The following DNAH6 variants were observed in gnomAD, a reference collection of about 807,000 sequenced individuals.
DNAH6 encodes dynein axonemal heavy chain 6.
A neutral mutation model predicts 491.4 loss-of-function variants in DNAH6; 340 were observed. The observed-to-expected ratio is 0.69, with a 90% CI of 0.63 to 0.76. The LOEUF (loss-of-function observed/expected upper bound fraction) is 0.76, where lower values mean the gene tolerates loss of function less well. Ranked by LOEUF, DNAH6 falls within the 30% of genes least tolerant of loss-of-function variation. The pLI is 0.00. For synonymous variants in DNAH6, 1,603 were observed against 1,686.1 expected, an observed-to-expected ratio of 0.95 and a Z score of 1.21; for missense variants, 4,443 against 4,972.2, an observed-to-expected ratio of 0.89 and a Z score of 3.20.
intron 4 of DNAH6, among the ~76,000 whole-genome samples, chr2:84,541,223 A>C (rs1395451666): frequency 6.6e-6 from 1 of 152,158 alleles, no homozygotes; most frequent in Non-Finnish European, 1.5e-5. Flanking sequence ...CATTTAGAGC[A>C]AAACACACCA....
intron 11 of DNAH6, among the ~76,000 whole-genome samples, chr2:84,570,787 C>T (rs577861464): frequency 2.0e-5 from 3 of 152,294 alleles, no homozygotes; most frequent in Non-Finnish European, 4.4e-5. Context: ...GGTCCCCTTC[C>T]ACGCTGTGGA....
At chr2:84,581,954 G>C (rs964472033) in intron 14 of DNAH6, among the ~76,000 whole-genome samples, 1 of 152,174 alleles carries the variant, frequency 6.6e-6, no homozygotes, top group African/African-American at 2.4e-5. Context: ...ACATTTTTCT[G>C]AGAGTGAAAG....
In DNAH6 at chr2:84,667,170, T is replaced by G. The variant is rs6761797; in HGVS notation, c.6085-2119T>G. Among the ~76,000 whole-genome samples, 1,440 of 152,198 alleles carry G rather than the reference T, an allele frequency of 9.5e-3. 20 individuals carry two copies. The highest frequency in any genetic ancestry group is 0.033 in the African/African-American group (1,384 of 41,516). ...CTAGAAGAAAACCTAGGCAATACCA[T>G]TCAGGACATAGGCATGGGCAAGGAC... On this transcript the variant is annotated intron_variant, in intron 37 of 76. Coordinates refer to ENST00000389394, the MANE Select transcript of DNAH6 (RefSeq NM_001370.2).
chr2:84,778,217 T>C, intron 64 of DNAH6: 3 of 653,608 alleles, frequency 4.6e-6, no homozygotes, highest in Non-Finnish European at 8.5e-6. Context: ...TCCTTGAGAG[T>C]TGCCATATTG....
At chr2:84,607,969 C>T (rs1380755404) in intron 21 of DNAH6, among the ~76,000 whole-genome samples, 3 of 152,194 alleles carry the variant, frequency 2.0e-5, no homozygotes, top group African/African-American at 7.2e-5. Flanking sequence ...TTCTCAAGCC[C>T]TACTTCTGCT....
At chr2:84,782,112 A>G (rs1003454085) in intron 65 of DNAH6, among the ~76,000 whole-genome samples, 1 of 152,108 alleles carries the variant, frequency 6.6e-6, no homozygotes, top group Non-Finnish European at 1.5e-5. Flanking sequence ...TCAGAGCCAC[A>G]CCTAACCCAT....
intron 64 of DNAH6, among the ~76,000 whole-genome samples, chr2:84,771,386 A>G (rs1437220095): frequency 6.6e-6 from 1 of 152,132 alleles, no homozygotes; most frequent in East Asian, 1.9e-4. Flanking sequence ...AGAAGAGGAG[A>G]GAGAAGGGGA....
At chr2:84,739,853 A>G (rs1390849238) in intron 62 of DNAH6, among the ~76,000 whole-genome samples, 1 of 151,976 alleles carries the variant, frequency 6.6e-6, no homozygotes, top group African/African-American at 2.4e-5. Context: ...TCTTTGCATC[A>G]TATTCTGAAT....
chr2:84,785,107 C>A (rs1677055788), intron 66 of DNAH6, among the ~76,000 whole-genome samples: 1 of 152,112 alleles, frequency 6.6e-6, no homozygotes. Flanking sequence ...GGGAATGTTT[C>A]AGTATTTGAG....
At chr2:84,572,798 G>A (rs907560649) in intron 11 of DNAH6, among the ~76,000 whole-genome samples, 2 of 152,132 alleles carry the variant, frequency 1.3e-5, no homozygotes, top group Admixed American at 1.3e-4. Flanking sequence ...AAGTAGACAT[G>A]GACCAAGACC....
the DNAH6 span, among the ~76,000 whole-genome samples, chr2:84,490,081 T>A: frequency 1.3e-5 from 2 of 152,186 alleles, no homozygotes; most frequent in Admixed American, 1.3e-4. Context: ...ATTTTTTCAG[T>A]TTTTTACATT....
At position 84,701,330 on chromosome 2, in the gene DNAH6, G is replaced by A; in HGVS notation, c.8052G>A (p.Gln2684=). 6.5e-7 allele frequency: 1 copy of A among 1,548,714 alleles called. No individual in the cohort carries two copies. Among genetic ancestry groups the A allele is most frequent in the South Asian group, 1.2e-5 (1 of 83,500 alleles). The part of the protein sequence containing the change: ...YLSMLSEKRK[Q]IISARDRVKN... ...CTATGCTGTCTGAAAAAAGGAAGCA[G>A]ATTATTTCAGTAGGTTCAATATTAT... The change falls in exon 49 of 77, where the codon CAG becomes CAA. Residue 2684 remains glutamine, a synonymous_variant. Coordinates refer to ENST00000389394, the MANE Select transcript of DNAH6 (RefSeq NM_001370.2).
At chr2:84,790,043 T>C (rs1677596953) in intron 68 of DNAH6, among the ~76,000 whole-genome samples, 2 of 152,196 alleles carry the variant, frequency 1.3e-5, no homozygotes, top group Non-Finnish European at 2.9e-5. Flanking sequence ...AAATAACATA[T>C]ATATTTTTTA....
At chr2:84,619,661 T>C (rs1687215902) in intron 23 of DNAH6, 24 bp from the exon 24 acceptor site, 3 of 1,537,990 alleles carry the variant, frequency 2.0e-6, no homozygotes, top group Admixed American at 3.9e-5. Flanking sequence ...TCAAGTTATA[T>C]TTTAAGGATG....
At chr2:84,717,462 A>C (rs1204923419) in intron 58 of DNAH6, among the ~76,000 whole-genome samples, 1 of 152,200 alleles carries the variant, frequency 6.6e-6, no homozygotes, top group Non-Finnish European at 1.5e-5. Flanking sequence ...AGACCCAGGT[A>C]CAAGCCCAGC....
At chr2:84,646,713 A>G (rs1334909551) in intron 33 of DNAH6, among the ~76,000 whole-genome samples, 2 of 152,204 alleles carry the variant, frequency 1.3e-5, no homozygotes, top group African/African-American at 4.8e-5. Context: ...TCAATTCTAT[A>G]AAGGAGGAGA....
intron 12 of DNAH6, among the ~76,000 whole-genome samples, chr2:84,574,485 C>T (rs894936756): frequency 2.0e-5 from 3 of 152,048 alleles, no homozygotes; most frequent in Non-Finnish European, 4.4e-5. Flanking sequence ...ATGATTTGGC[C>T]AGGGATCAAG....
At chr2:84,663,064 T>C (rs1691690257) in intron 37 of DNAH6, among the ~76,000 whole-genome samples, 1 of 152,056 alleles carries the variant, frequency 6.6e-6, no homozygotes, top group African/African-American at 2.4e-5. Flanking sequence ...AGAAAGGACA[T>C]CCACACCAAA....
At chr2:84,573,274 C>T (rs1435100184) in intron 11 of DNAH6, among the ~76,000 whole-genome samples, 193 bp from the exon 12 acceptor site, 1 of 152,128 alleles carries the variant, frequency 6.6e-6, no homozygotes, top group Admixed American at 6.5e-5. Flanking sequence ...TATTTCATAA[C>T]AATTTCTTCT....
Sources: gnomAD v4.1 joint callset for allele counts (sites outside exome capture counted in the v4.1 genomes callset) on GRCh38, gnomAD v4.1.1 for gene constraint, MANE v1.5 for transcripts, NCBI Gene and HGNC (gene_info 2026-07-23, HGNC 2026-07-21) for gene names.